Variants in FIBCD1 observed in about 807,000 individuals in gnomAD.
FIBCD1 encodes the protein fibrinogen C domain-containing protein 1.
Under a neutral mutation model 45.1 loss-of-function variants are expected in FIBCD1, and 47 were observed. That is an observed-to-expected ratio of 1.04 (90% CI 0.82 to 1.33). The LOEUF (loss-of-function observed/expected upper bound fraction) is 1.33. FIBCD1 is among the 40% of genes most tolerant of loss of function. The pLI, the probability that FIBCD1 is intolerant of heterozygous loss-of-function variation, is 0.00. For synonymous variants in FIBCD1, 313 were observed against 308.1 expected (o/e 1.02, Z -0.17); for missense variants, 653 against 682.2 (o/e 0.96, Z 0.48).
At chr9:130,927,350 G>A (rs775248031) in intron 2 of FIBCD1, among the ~76,000 whole-genome samples, 1 of 152,200 alleles carries the variant, frequency 6.6e-6, no homozygotes, top group East Asian at 1.9e-4. Context: ...ATAAGGAGAC[G>A]TTGATGGTGC....
intron 3 of FIBCD1, 34 bp downstream of exon 3, chr9:130,924,203 G>C: frequency 6.5e-7 from 1 of 1,529,782 alleles, no homozygotes; most frequent in Non-Finnish European, 8.8e-7. Flanking sequence ...TGGGACCCGA[G>C]GCACCGGAGG....
chr9:130,925,441 G>A (rs1013220127), intron 2 of FIBCD1, among the ~76,000 whole-genome samples: 6 of 152,160 alleles, frequency 3.9e-5, no homozygotes, highest in African/African-American at 1.2e-4. Flanking sequence ...TTGACTGTCT[G>A]TGTTTTGACT....
chr9:130,934,788 G>T (rs749525706), intron 1 of FIBCD1, among the ~76,000 whole-genome samples: 1 of 152,092 alleles, frequency 6.6e-6, no homozygotes, highest in Non-Finnish European at 1.5e-5. Flanking sequence ...ACCTCCTCAG[G>T]TCTCCCTCCC....
intron 4 of FIBCD1, among the ~76,000 whole-genome samples, chr9:130,912,175 G>C (rs750541782): frequency 1.3e-5 from 2 of 152,080 alleles, no homozygotes; most frequent in African/African-American, 4.8e-5. Context: ...GGTGGCTCAT[G>C]CCCGGAATCC....
chr9:130,927,556 A>G (rs1588111914), intron 2 of FIBCD1, among the ~76,000 whole-genome samples: 1 of 152,112 alleles, frequency 6.6e-6, no homozygotes, highest in Non-Finnish European at 1.5e-5. Context: ...GCGGACTCAC[A>G]CCCTCAGGGC....
At chr9:130,930,324 ACGGGGAGACG>A (rs1212257520) in intron 1 of FIBCD1, among the ~76,000 whole-genome samples, 2 of 151,274 alleles carry the variant, frequency 1.3e-5, no homozygotes, top group Admixed American at 6.6e-5. Context: ...ATAGGGAGAG[ACGGGGAGACG>A]CGGGGAGACG....
chr9:130,927,597 G>T (rs1014005859), intron 2 of FIBCD1, among the ~76,000 whole-genome samples: 1 of 152,228 alleles, frequency 6.6e-6, no homozygotes, highest in Non-Finnish European at 1.5e-5. Context: ...TGACCAGCAG[G>T]CCTCAGGGAC....
chr9:130,920,648 G>A (rs1055658954), intron 4 of FIBCD1, among the ~76,000 whole-genome samples: 1 of 152,018 alleles, frequency 6.6e-6, no homozygotes, highest in Non-Finnish European at 1.5e-5. Context: ...GGTGATGATG[G>A]GGCCTGAGGA....
In FIBCD1 at chr9:130,922,042, A is replaced by G. The variant is rs77274544; in HGVS notation, c.849+1702T>C. Among the ~76,000 whole-genome samples, 2,936 of 151,918 alleles carry G rather than the reference A, an allele frequency of 0.019. 101 individuals carry two copies. The highest frequency in any genetic ancestry group is 0.063 in the South Asian group (303 of 4,806). ...TGCTGGGGACCGCTGACCCCTTTCA[A>G]AACTGACCCAGGCTGCCTGCACCCC... On this transcript the variant is annotated intron_variant, in intron 4 of 6. Coordinates refer to ENST00000372338, the MANE Select transcript of FIBCD1 (RefSeq NM_032843.5). The surrounding 1 kb of genome is among the most constrained non-coding windows in gnomAD (Gnocchi z 4.5).
chr9:130,933,366 G>A (rs1240544057), intron 1 of FIBCD1, among the ~76,000 whole-genome samples: 1 of 152,052 alleles, frequency 6.6e-6, no homozygotes, highest in African/African-American at 2.4e-5. Context: ...CACTCCCTGG[G>A]GGCTGCGGAA....
At chr9:130,940,426 G>A (rs1011849303), upstream of FIBCD1, among the ~76,000 whole-genome samples, 3 of 152,272 alleles carry the variant, frequency 2.0e-5, no homozygotes, top group East Asian at 1.9e-4. Flanking sequence ...GCAATGGCTG[G>A]GAGTCAGGAG....
chr9:130,937,647 C>A (rs766418664), intron 1 of FIBCD1, among the ~76,000 whole-genome samples: 1 of 152,178 alleles, frequency 6.6e-6, no homozygotes, highest in Non-Finnish European at 1.5e-5. Flanking sequence ...AATGGGCAGC[C>A]CTATTCTCTC....
chr9:130,912,507 G>A (rs1215847617), intron 4 of FIBCD1, among the ~76,000 whole-genome samples: 2 of 151,730 alleles, frequency 1.3e-5, no homozygotes, highest in African/African-American at 2.4e-5. Flanking sequence ...AGGAGTTCGA[G>A]ACCAGCCTGG....
chr9:130,919,462 C>T (rs928607157), intron 4 of FIBCD1, among the ~76,000 whole-genome samples: 6 of 152,294 alleles, frequency 3.9e-5, no homozygotes, highest in African/African-American at 1.4e-4. Context: ...CTGTTGGACC[C>T]CGAGGTCCTG....
At position 130,904,154 on chromosome 9, in the gene FIBCD1, G is replaced by C; in HGVS notation, c.1296C>G (p.Ala432=). 1 of 1,613,592 alleles carries C rather than the reference G, an allele frequency of 6.2e-7. No homozygotes were observed. The highest frequency in any genetic ancestry group is 8.5e-7 in the Non-Finnish European group (1 of 1,179,962). ...QYLRGAHASY[A]DGVEWSSWTG... ...TCCAGGAGGACCACTCCACGCCGTC[G>C]GCATAGGAGGCGTGCGCACCGCGCA... Residue 432 remains alanine (A), a synonymous_variant, in exon 7 of 7, where the codon GCC becomes GCG. Coordinates refer to ENST00000372338, the MANE Select transcript of FIBCD1 (RefSeq NM_032843.5).
In FIBCD1 at chr9:130,922,251, C is replaced by T. The variant is rs1268048299; in HGVS notation, c.849+1493G>A. On this transcript the variant is annotated intron_variant, in intron 4 of 6. Coordinates refer to ENST00000372338, the MANE Select transcript of FIBCD1 (RefSeq NM_032843.5). The surrounding 1 kb of genome is among the most constrained non-coding windows in gnomAD (Gnocchi z 4.5). ...GCACTCAGTGGCAGCAGCCCTGGGG[C>T]GGTGGGGTTCTCACCGGCCCACCCC... 2.2e-4 allele frequency among the ~76,000 whole-genome samples: 34 copies of T among 152,174 alleles called. No individual in the cohort carries two copies. The highest frequency in any genetic ancestry group is 1.8e-3 in the Admixed American group (28 of 15,282).
rs1243945323 is a variant in FIBCD1 at position 130,904,050 on chromosome 9, C to T, written c.*14G>A. On this transcript the variant is annotated 3_prime_UTR_variant, in exon 7 of 7. Transcript: ENST00000372338. ...CGACAGGGACCAGCAGGGCCAAGGA[C>T]AAGGTGCACCAGTCTAGCGGTCCTC... is the stretch of plus-strand genomic sequence containing the variant. 5 of 1,610,920 alleles carry T rather than the reference C, an allele frequency of 3.1e-6. No individual in the cohort carries two copies. In the African/African-American group the frequency reaches 5.3e-5, roughly 17 times the overall value.
chr9:130,921,384 C>T (rs1470560635), intron 4 of FIBCD1, among the ~76,000 whole-genome samples: 1 of 152,178 alleles, frequency 6.6e-6, no homozygotes, highest in Non-Finnish European at 1.5e-5. Flanking sequence ...TGACAGATGT[C>T]GAGAGGTTCC....
At chr9:130,924,421 A>T in intron 2 of FIBCD1, 25 bp from the exon 3 acceptor site, 2 of 1,565,162 alleles carry the variant, frequency 1.3e-6, no homozygotes, top group Non-Finnish European at 1.7e-6. Flanking sequence ...GGGTGAGCCG[A>T]GGGGGCAGGG....
Sources: allele counts gnomAD v4.1 joint callset (sites outside exome capture counted in the v4.1 genomes callset), GRCh38; gene constraint gnomAD v4.1.1; non-coding constraint Gnocchi (gnomAD v3.1); transcripts MANE v1.5; gene names NCBI Gene and HGNC (gene_info 2026-07-23, HGNC 2026-07-21).